The following SH3BGRL2 variants were observed in gnomAD, a reference collection of about 807,000 sequenced individuals.
The protein encoded by SH3BGRL2 is SH3 domain binding glutamate rich protein like 2.
A neutral mutation model predicts 14.8 loss-of-function variants in SH3BGRL2; 21 were observed. The observed-to-expected ratio is 1.42, with a 90% confidence interval of 1.01 to 2.05. SH3BGRL2 has a LOEUF of 2.05. Among genes scored for constraint, SH3BGRL2 ranks in the 30% most tolerant of loss-of-function variants. The pLI is 0.00. For synonymous variants in SH3BGRL2, 50 were observed against 47.8 expected, an observed-to-expected ratio of 1.05 and a Z score of -0.19; for missense variants, 147 against 130.8, an observed-to-expected ratio of 1.12 and a Z score of -0.61.
At chr6:79,589,015 T>A in the SH3BGRL2 span, among the ~76,000 whole-genome samples, 1 of 152,120 alleles carries the variant, frequency 6.6e-6, no homozygotes, top group Non-Finnish European at 1.5e-5. Context: ...GATATTCAAG[T>A]TCCTTATATA....
chr6:79,562,487 A>G, the SH3BGRL2 span, among the ~76,000 whole-genome samples: 1 of 152,172 alleles, frequency 6.6e-6, no homozygotes, highest in Non-Finnish European at 1.5e-5. Context: ...AGACTTAAAA[A>G]TCTCAGTGTT....
chr6:79,592,469 C>G, the SH3BGRL2 span, among the ~76,000 whole-genome samples: 5 of 152,102 alleles, frequency 3.3e-5, no homozygotes, highest in African/African-American at 7.2e-5. Context: ...GGGATTTAGC[C>G]TAGTCTTAAG....
At chr6:79,559,599 A>G in the SH3BGRL2 span, among the ~76,000 whole-genome samples, 5 of 152,230 alleles carry the variant, frequency 3.3e-5, no homozygotes, top group Non-Finnish European at 7.3e-5. Flanking sequence ...TAGATCCTTT[A>G]CTGGAGGAAA....
At chr6:79,596,965 C>T in the SH3BGRL2 span, among the ~76,000 whole-genome samples, 1 of 152,168 alleles carries the variant, frequency 6.6e-6, no homozygotes. Flanking sequence ...CGCAGTGCCT[C>T]CTGTCTGTAA....
chr6:79,617,071 G>T, the SH3BGRL2 span, among the ~76,000 whole-genome samples: 1 of 152,008 alleles, frequency 6.6e-6, no homozygotes, highest in East Asian at 1.9e-4. Context: ...TGTAATCCCA[G>T]CTACCCAGGA....
the SH3BGRL2 span, among the ~76,000 whole-genome samples, chr6:79,612,896 T>C: frequency 6.6e-6 from 1 of 152,204 alleles, no homozygotes; most frequent in African/African-American, 2.4e-5. Context: ...ATTTAATGAA[T>C]TCAGCAGGCA....
chr6:79,653,815 C>T lies in SH3BGRL2; in HGVS notation c.46-19799C>T, dbSNP rs574726641. 1.5e-3 allele frequency among the ~76,000 whole-genome samples: 221 copies of T among 152,316 alleles called. 2 individuals are homozygous for T. Among genetic ancestry groups the T allele is most frequent in the Non-Finnish European group, 2.6e-3 (178 of 68,038 alleles). ...AGCAGGTTTTGGGGTGGAGAATGGTCTGGCTGTTGGCCAGGGTGACTGAGC... is the reference window on the plus strand; with the variant it reads ...AGCAGGTTTTGGGGTGGAGAATGGTTTGGCTGTTGGCCAGGGTGACTGAGC... On this transcript the variant is annotated intron_variant, in intron 1 of 3. Transcript: ENST00000369838.
chr6:79,601,598 C>A, the SH3BGRL2 span, among the ~76,000 whole-genome samples: 1 of 152,114 alleles, frequency 6.6e-6, no homozygotes, highest in African/African-American at 2.4e-5. Context: ...AAAGTTAAAC[C>A]ATTTAGTTGA....
intron 1 of SH3BGRL2, among the ~76,000 whole-genome samples, chr6:79,663,652 G>A (rs540585057): frequency 1.7e-4 from 26 of 152,314 alleles, no homozygotes; most frequent in South Asian, 4.1e-4. Context: ...CAGTCTGTCC[G>A]TTCTCAGAGC....
chr6:79,640,382 C>T (rs1264991742), intron 1 of SH3BGRL2, among the ~76,000 whole-genome samples: 1 of 152,194 alleles, frequency 6.6e-6, no homozygotes, highest in Non-Finnish European at 1.5e-5. Flanking sequence ...TGGAAAAGCA[C>T]TTAATTGAAT....
chr6:79,680,302 A>G (rs1769963997), intron 2 of SH3BGRL2, among the ~76,000 whole-genome samples: 1 of 152,124 alleles, frequency 6.6e-6, no homozygotes. Context: ...TTTTGCATGT[A>G]GATACCCAGT....
chr6:79,580,290 G>T, the SH3BGRL2 span, among the ~76,000 whole-genome samples: 1 of 152,084 alleles, frequency 6.6e-6, no homozygotes, highest in South Asian at 2.1e-4. Context: ...CAACAAGCAG[G>T]TCTAATAGAA....
chr6:79,624,340 A>G, the SH3BGRL2 span, among the ~76,000 whole-genome samples: 2 of 150,362 alleles, frequency 1.3e-5, no homozygotes, highest in Non-Finnish European at 3.0e-5. Context: ...ACATAAAACT[A>G]TCTATAATTA....
At chr6:79,671,631 A>G (rs567946386) in intron 1 of SH3BGRL2, among the ~76,000 whole-genome samples, 1 of 152,332 alleles carries the variant, frequency 6.6e-6, no homozygotes, top group South Asian at 2.1e-4. Flanking sequence ...ATGATTGTGT[A>G]TGTTATGGCT....
At chr6:79,651,232 G>A (rs1769288419) in intron 1 of SH3BGRL2, among the ~76,000 whole-genome samples, 1 of 152,134 alleles carries the variant, frequency 6.6e-6, no homozygotes, top group Admixed American at 6.5e-5. Context: ...TACTGTGGAG[G>A]ATTTTGACTG....
intron 1 of SH3BGRL2, among the ~76,000 whole-genome samples, chr6:79,665,337 A>G (rs921054186): frequency 3.3e-5 from 5 of 152,242 alleles, no homozygotes; most frequent in African/African-American, 9.6e-5. Context: ...TAAGATAGCT[A>G]TGGAGATTTT....
intron 1 of SH3BGRL2, among the ~76,000 whole-genome samples, chr6:79,655,355 G>T (rs1191100729): frequency 6.6e-6 from 1 of 151,312 alleles, no homozygotes; most frequent in Admixed American, 6.6e-5. Flanking sequence ...TTAGTGTAGA[G>T]CAGTGGCCCC....
At chr6:79,676,762 G>A (rs1769893935) in intron 2 of SH3BGRL2, among the ~76,000 whole-genome samples, 1 of 151,930 alleles carries the variant, frequency 6.6e-6, no homozygotes, top group Admixed American at 6.6e-5. Flanking sequence ...TTTGAATAGA[G>A]GAATATATTG....
the SH3BGRL2 span, among the ~76,000 whole-genome samples, chr6:79,616,308 A>C: frequency 1.6e-3 from 248 of 152,318 alleles, no homozygotes; most frequent in African/African-American, 5.4e-3. Context: ...ACCCATTTGC[A>C]TTATAATCCT....
Sources: gnomAD v4.1 joint callset for allele counts (sites outside exome capture counted in the v4.1 genomes callset) on GRCh38, gnomAD v4.1.1 for gene constraint, MANE v1.5 for transcripts, NCBI Gene and HGNC (gene_info 2026-07-23, HGNC 2026-07-21) for gene names.